The following TFCP2L1 variants were observed in gnomAD, a reference collection of about 807,000 sequenced individuals.
TFCP2L1 encodes the protein transcription factor CP2 like 1, also known as transcription factor CP2-like protein 1.
A neutral mutation model predicts 72.2 loss-of-function variants in TFCP2L1; 12 were observed. The ratio of observed to expected loss-of-function variants is 0.17; its 90% CI spans 0.11 to 0.27. The LOEUF is 0.27. TFCP2L1 is among the 10% of genes least tolerant of loss of function. The pLI, the probability that TFCP2L1 is intolerant of heterozygous loss-of-function variation, is 1.00. For missense variants in TFCP2L1, 488 were observed against 624.6 expected, an observed-to-expected ratio of 0.78 and a Z score of 2.33; for synonymous variants, 260 against 251.0, an observed-to-expected ratio of 1.04 and a Z score of -0.34.
intron 2 of TFCP2L1, among the ~76,000 whole-genome samples, chr2:121,265,598 T>G (rs981761475): frequency 1.3e-5 from 2 of 151,908 alleles, no homozygotes; most frequent in Non-Finnish European, 2.9e-5. Context: ...ATTCTCCTGC[T>G]GCAGCTTCCC....
At position 121,256,354 on chromosome 2, in the gene TFCP2L1, G is replaced by A. The variant is rs865780845; in HGVS notation, c.215-6707C>T. Reference sequence around the variant, plus strand: ...ATAGGAAAGAACGAGGAGCCCAGACGAGACTTTTATTTGGAAACTTGATAC... The same window carrying A: ...ATAGGAAAGAACGAGGAGCCCAGACAAGACTTTTATTTGGAAACTTGATAC... On this transcript the variant is annotated intron_variant, in intron 2 of 14. Transcript: ENST00000263707. 3.9e-5 allele frequency among the ~76,000 whole-genome samples: 6 copies of A among 152,234 alleles called. No homozygotes were observed. The South Asian group carries it at 6.2e-4, about 16-fold the overall frequency.
In TFCP2L1 at chr2:121,244,903, G is replaced by A. The variant is rs151329353; in HGVS notation, c.657+1915C>T. 5.9e-5 allele frequency among the ~76,000 whole-genome samples: 9 copies of A among 152,122 alleles called. No individual in the cohort carries two copies. In the East Asian group the frequency reaches 7.7e-4, roughly 13 times the overall value. On this transcript the variant is annotated intron_variant, in intron 6 of 14. Transcript: ENST00000263707. ...CACAGCCATGCAGGTGTCCAGGACC[G>A]GCAGATCCCAGAGCAGGCAGAAATA...
rs1687248991 is a variant in TFCP2L1, at chr2:121,281,132, A to G, written c.202T>C (p.Tyr68His). Residue 68 changes from tyrosine to histidine, a missense_variant, in exon 2 of 15, where the codon TAC becomes CAC. Physicochemically the swap from Tyr to His is moderately conservative, Grantham distance 83. Around this residue, in one of 3 missense-constraint regions of TFCP2L1, gnomAD observed 129 missense variants for 236.0 expected, o/e 0.55. Transcript: ENST00000263707. ...CTCTGGCCACTACCTTGGTTGAGGT[A>G]GGTCAGCGTCTCTTCATGCAGCTTC... ...AVKLHEETLT[Y>H]LNQGQSYEIR... 6.2e-7 allele frequency: 1 copy of G among 1,613,802 alleles called. No individual in the cohort carries two copies. Among genetic ancestry groups the G allele is most frequent in the South Asian group, 1.1e-5 (1 of 91,078 alleles).
intron 2 of TFCP2L1, among the ~76,000 whole-genome samples, chr2:121,278,715 A>C (rs574505846): frequency 4.8e-5 from 7 of 144,670 alleles, no homozygotes; most frequent in Admixed American, 4.2e-4. Context: ...AAAAACACCT[A>C]GGGGGTGGCC....
Position 121,229,359 on chromosome 2 carries a change from T to A in TFCP2L1, c.1341+2467A>T, listed in dbSNP as rs375782023. Among the ~76,000 whole-genome samples the A allele has an allele frequency of 6.6e-5, 10 of 152,204 alleles. No individual in the cohort carries two copies. In the East Asian group the frequency reaches 7.7e-4, roughly 12 times the overall value. On this transcript the variant is annotated intron_variant, in intron 13 of 14. Transcript: ENST00000263707. ...GGGGGAGGTAAGCTTTTTTCACATC[T>A]ACCTTCTGCTGTTCTATGTTGCTTA...
At chr2:121,267,741 T>C (rs1324831374) in intron 2 of TFCP2L1, among the ~76,000 whole-genome samples, 1 of 152,162 alleles carries the variant, frequency 6.6e-6, no homozygotes, top group Non-Finnish European at 1.5e-5. Flanking sequence ...GTGATGCGCC[T>C]GCCTTGGCCT....
At position 121,223,991 on chromosome 2, in the gene TFCP2L1, G is replaced by A; in HGVS notation, c.*350C>T. The A allele has an allele frequency of 3.1e-6, 1 of 326,168 alleles. No individual in the cohort carries two copies. Among genetic ancestry groups the A allele is most frequent in the Non-Finnish European group, 5.7e-6 (1 of 174,034 alleles). 20.2% of individuals were successfully genotyped at this position (326,168 alleles called of 1,614,324 possible). A position where few individuals can be genotyped will look rare whatever the true frequency, so the allele number is the denominator to read the frequency against. On this transcript the variant is annotated 3_prime_UTR_variant, in exon 15 of 15. Transcript: ENST00000263707. ...TGGTCAGAAGGGACCAATACAGGCA[G>A]CACCAAGATACCCAATCAGCTTCCA... is the stretch of plus-strand genomic sequence containing the variant.
At position 121,228,951 on chromosome 2, in the gene TFCP2L1, G is replaced by A. The variant is rs144790484; in HGVS notation, c.1341+2875C>T. ...TTTTATATTTTTGAGATGGAGTCTC[G>A]CTCTGTTGCCCCGGCTGGAGTGCAG... On this transcript the variant is annotated intron_variant, in intron 13 of 14. Coordinates refer to ENST00000263707, the MANE Select transcript of TFCP2L1 (RefSeq NM_014553.3). Among the ~76,000 whole-genome samples, 117 of 151,882 alleles carry A rather than the reference G, an allele frequency of 7.7e-4. No homozygotes were observed. The East Asian group carries it at 0.013, about 17-fold the overall frequency.
intron 2 of TFCP2L1, among the ~76,000 whole-genome samples, chr2:121,275,538 GT>G (rs912544229): frequency 2.9e-5 from 4 of 137,306 alleles, no homozygotes; most frequent in Non-Finnish European, 6.4e-5. Context: ...TCATCCATTT[GT>G]TTTTTTAAGA....
intron 2 of TFCP2L1, among the ~76,000 whole-genome samples, chr2:121,254,351 GA>G (rs1255941421): frequency 6.6e-6 from 1 of 152,160 alleles, no homozygotes; most frequent in Non-Finnish European, 1.5e-5. Flanking sequence ...AGAGACAAAG[GA>G]GGCCCAAAAG....
At chr2:121,224,841 C>T (rs1251808462) in intron 14 of TFCP2L1, among the ~76,000 whole-genome samples, 4 of 152,268 alleles carry the variant, frequency 2.6e-5, no homozygotes, top group South Asian at 2.1e-4. Context: ...AAAAATTAGC[C>T]GGGCCTGGTG....
intron 13 of TFCP2L1, among the ~76,000 whole-genome samples, chr2:121,225,942 T>C (rs1457466448): frequency 5.3e-5 from 7 of 133,248 alleles, no homozygotes; most frequent in East Asian, 2.3e-4. Flanking sequence ...CCACGGTGTC[T>C]ACACACACGG....
At chr2:121,250,315 A>G (rs1302711398) in intron 2 of TFCP2L1, among the ~76,000 whole-genome samples, 1 of 151,844 alleles carries the variant, frequency 6.6e-6, no homozygotes, top group Non-Finnish European at 1.5e-5. Context: ...TACCATGAAT[A>G]AATAGGATAC....
chr2:121,217,691 G>A lies in TFCP2L1; in HGVS notation c.*6650C>T, dbSNP rs1032377567. 6.6e-6 allele frequency: 1 copy of A among 152,594 alleles called. No homozygotes were observed. Among genetic ancestry groups the A allele is most frequent in the African/African-American group, 2.4e-5 (1 of 41,468 alleles). The allele number at this position is 152,594 out of a possible 1,614,324, so 9.5% of individuals were successfully genotyped here. ...GGTGAGATCAGGCTGCCCCTCCCAG[G>A]ACAAGAGTGTGAGCTGGCCAGGAGG... On this transcript the variant is annotated 3_prime_UTR_variant, in exon 15 of 15. Coordinates refer to ENST00000263707, the MANE Select transcript of TFCP2L1 (RefSeq NM_014553.3).
chr2:121,271,565 A>G (rs1043938282), intron 2 of TFCP2L1, among the ~76,000 whole-genome samples: 3 of 152,262 alleles, frequency 2.0e-5, no homozygotes, highest in African/African-American at 7.2e-5. Flanking sequence ...AACTTCAGCT[A>G]TGGAAAAAAG....
intron 2 of TFCP2L1, among the ~76,000 whole-genome samples, chr2:121,255,368 G>A (rs764135264): frequency 2.6e-5 from 4 of 152,088 alleles, no homozygotes; most frequent in East Asian, 1.9e-4. Context: ...TGTAAAATGT[G>A]GGGGGGAGGG....
At position 121,242,361 on chromosome 2, in the gene TFCP2L1, C is replaced by T; in HGVS notation, c.766G>A (p.Glu256Lys). The T allele has an allele frequency of 1.9e-6, 3 of 1,614,060 alleles. No individual in the cohort carries two copies. The highest frequency in any genetic ancestry group is 2.5e-6 in the Non-Finnish European group (3 of 1,179,938). ...GTCCCCGCACCCAGCCGGCTCACCTCTGTGAGGATGGTGGTTTCATAGGAC... is the reference window on the plus strand; with the variant it reads ...GTCCCCGCACCCAGCCGGCTCACCTTTGTGAGGATGGTGGTTTCATAGGAC... ...QPSYETTILTECSPWPDVAYQ... is the reference protein window; with the variant it reads ...QPSYETTILTKCSPWPDVAYQ... The change falls in exon 7 of 15, where the codon GAG (glutamate) becomes AAG (lysine). Residue 256 changes from glutamate to lysine, a missense_variant and splice_region_variant. By Grantham distance (56) the Glu-to-Lys change is moderately conservative. Transcript: ENST00000263707.
At chr2:121,280,987 C>T (rs1443467147) in intron 2 of TFCP2L1, 133 bp downstream of exon 2, 14 of 1,081,556 alleles carry the variant, frequency 1.3e-5, no homozygotes, top group Admixed American at 2.5e-5. Flanking sequence ...GAACCTGCAC[C>T]TGTTCTCTTT....
chr2:121,260,235 C>T (rs958846217), intron 2 of TFCP2L1, among the ~76,000 whole-genome samples: 2 of 152,080 alleles, frequency 1.3e-5, no homozygotes, highest in Non-Finnish European at 2.9e-5. Context: ...AAGTAGCCTA[C>T]AGCCTGGCCC....
Sources: gnomAD v4.1 joint callset for allele counts (sites outside exome capture counted in the v4.1 genomes callset) on GRCh38, gnomAD v4.1.1 for gene constraint, gnomAD v4.1.1 regional missense constraint, MANE v1.5 for transcripts, NCBI Gene and HGNC (gene_info 2026-07-23, HGNC 2026-07-21) for gene names.